Variants in ST6GALNAC3 observed in about 807,000 individuals in gnomAD.
ST6GALNAC3 encodes alpha-N-acetylgalactosaminide alpha-2,6-sialyltransferase 3.
ST6GALNAC3 carries 25 observed loss-of-function variants against 32.7 expected under a neutral mutation model. The ratio of observed to expected loss-of-function variants is 0.76; its 90% CI spans 0.56 to 1.07. ST6GALNAC3 has a LOEUF of 1.07. Ranked by LOEUF, ST6GALNAC3 falls within the 50% of genes least tolerant of loss-of-function variation. The probability of loss-of-function intolerance (pLI) is 0.00; values close to 1 mark genes in which losing one functional copy is unlikely to be tolerated. For synonymous variants in ST6GALNAC3, 129 were observed against 133.1 expected (o/e 0.97, Z 0.21); for missense variants, 355 against 382.4 (o/e 0.93, Z 0.60).
In ST6GALNAC3 at chr1:76,333,035, T is replaced by C. The variant is rs189247440; in HGVS notation, c.213+19036T>C. Reference sequence around the variant, plus strand: ...GGCCCCTGAAAGGCTGGACCCTCTTTGCATCTCAAGTCTTCTTCTTCCATT... The same window carrying C: ...GGCCCCTGAAAGGCTGGACCCTCTTCGCATCTCAAGTCTTCTTCTTCCATT... On this transcript the variant is annotated intron_variant, in intron 2 of 4. Transcript: ENST00000328299. Among the ~76,000 whole-genome samples, 46 of 152,294 alleles carry C rather than the reference T, an allele frequency of 3.0e-4. 1 individual carries two copies. Among genetic ancestry groups the C allele is most frequent in the African/African-American group, 1.0e-3 (43 of 41,566 alleles).
intron 3 of ST6GALNAC3, among the ~76,000 whole-genome samples, chr1:76,433,480 G>A (rs1571214256): frequency 6.6e-6 from 1 of 152,054 alleles, no homozygotes; most frequent in East Asian, 1.9e-4. Flanking sequence ...TTGTTTCATG[G>A]TGCATATGTA....
chr1:76,540,831 T>C (rs904124088), intron 3 of ST6GALNAC3, among the ~76,000 whole-genome samples: 2 of 152,218 alleles, frequency 1.3e-5, no homozygotes, highest in Non-Finnish European at 2.9e-5. Context: ...CAGAAACTGC[T>C]TTAGGCACTT....
chr1:76,271,589 A>G (rs1245877418), intron 1 of ST6GALNAC3, among the ~76,000 whole-genome samples: 1 of 152,224 alleles, frequency 6.6e-6, no homozygotes, highest in African/African-American at 2.4e-5. Flanking sequence ...TTCTATCTGG[A>G]AAGTCTAGCA....
intron 3 of ST6GALNAC3, among the ~76,000 whole-genome samples, chr1:76,618,954 C>A (rs908485170): frequency 6.6e-6 from 1 of 152,020 alleles, no homozygotes; most frequent in South Asian, 2.1e-4. Flanking sequence ...AGAAAGGTTG[C>A]GAGAAAATCT....
chr1:76,451,017 G>T (rs1657357966), intron 3 of ST6GALNAC3, among the ~76,000 whole-genome samples: 1 of 152,100 alleles, frequency 6.6e-6, no homozygotes, highest in African/African-American at 2.4e-5. Flanking sequence ...GCTTAGTCTT[G>T]CTTTGGCTAT....
At chr1:76,416,218 CA>C in intron 3 of ST6GALNAC3, among the ~76,000 whole-genome samples, 1 of 152,092 alleles carries the variant, frequency 6.6e-6, no homozygotes, top group South Asian at 2.1e-4. Flanking sequence ...TAATAGTCTC[CA>C]AAAAAGAACA....
At chr1:76,112,481 C>T (rs1221564429) in intron 1 of ST6GALNAC3, among the ~76,000 whole-genome samples, 1 of 151,016 alleles carries the variant, frequency 6.6e-6, no homozygotes, top group African/African-American at 2.4e-5. Context: ...AACCTCCCCA[C>T]CTCCCTTCCA....
intron 3 of ST6GALNAC3, among the ~76,000 whole-genome samples, chr1:76,517,832 G>A (rs1457208274): frequency 6.6e-6 from 1 of 151,902 alleles, no homozygotes. Flanking sequence ...TATGCAATTG[G>A]AGAGTTTTCT....
At chr1:76,197,812 T>C (rs142336343) in intron 1 of ST6GALNAC3, among the ~76,000 whole-genome samples, 121 of 152,256 alleles carry the variant, frequency 7.9e-4, no homozygotes, top group African/African-American at 2.8e-3. Flanking sequence ...TAATTCTTTG[T>C]TGATGTGGGG....
intron 3 of ST6GALNAC3, among the ~76,000 whole-genome samples, chr1:76,606,351 A>G (rs927780532): frequency 2.0e-5 from 3 of 152,236 alleles, no homozygotes; most frequent in Admixed American, 6.5e-5. Context: ...TAAAGAATAT[A>G]TGGTACATAT....
Position 76,634,072 on chromosome 1 carries a change from T to C in ST6GALNAC3, c.*5266T>C, listed in dbSNP as rs1649426640. On this transcript the variant is annotated 3_prime_UTR_variant, in exon 5 of 5. Coordinates refer to ENST00000328299, the MANE Select transcript of ST6GALNAC3 (RefSeq NM_152996.4). ...TTTTTTTCAGTTAACTACTTGTTTG[T>C]TTCTTTTCAGAATAGGCACTTTTTT... The C allele has an allele frequency of 6.5e-6, 5 of 765,682 alleles. No individual in the cohort carries two copies. Among genetic ancestry groups the C allele is most frequent in the Non-Finnish European group, 7.9e-6 (5 of 629,556 alleles). 47.4% of individuals were successfully genotyped at this position (765,682 alleles called of 1,614,324 possible).
intron 1 of ST6GALNAC3, among the ~76,000 whole-genome samples, chr1:76,313,172 T>A (rs776228018): frequency 6.6e-6 from 1 of 152,194 alleles, no homozygotes; most frequent in Non-Finnish European, 1.5e-5. Flanking sequence ...ATACTGTGTC[T>A]ACAAGAATGT....
At chr1:76,124,143 G>A (rs1253854153) in intron 1 of ST6GALNAC3, among the ~76,000 whole-genome samples, 1 of 152,066 alleles carries the variant, frequency 6.6e-6, no homozygotes, top group Non-Finnish European at 1.5e-5. Context: ...GGGGCACGCA[G>A]AATTTAGTGG....
chr1:76,113,222 G>A (rs1239002154), intron 1 of ST6GALNAC3, among the ~76,000 whole-genome samples: 3 of 151,868 alleles, frequency 2.0e-5, no homozygotes, highest in African/African-American at 7.3e-5. Context: ...GCCTGCAATC[G>A]CAGGCACTCG....
At chr1:76,403,291 T>C (rs1653568906) in intron 2 of ST6GALNAC3, among the ~76,000 whole-genome samples, 1 of 152,096 alleles carries the variant, frequency 6.6e-6, no homozygotes, top group Non-Finnish European at 1.5e-5. Flanking sequence ...CAGTATACTC[T>C]CCATTTGCTC....
At chr1:76,178,279 C>G (rs906796973) in intron 1 of ST6GALNAC3, among the ~76,000 whole-genome samples, 3 of 152,146 alleles carry the variant, frequency 2.0e-5, no homozygotes, top group South Asian at 2.1e-4. Context: ...ATTGAACTTA[C>G]GAGATGGATG....
chr1:76,443,155 G>T (rs1288114826), intron 3 of ST6GALNAC3, among the ~76,000 whole-genome samples: 1 of 152,088 alleles, frequency 6.6e-6, no homozygotes, highest in African/African-American at 2.4e-5. Context: ...TGTTGTTGTT[G>T]TTTTGTTTTG....
At chr1:76,466,413 A>G (rs565762779) in intron 3 of ST6GALNAC3, among the ~76,000 whole-genome samples, 3 of 152,194 alleles carry the variant, frequency 2.0e-5, no homozygotes, top group Admixed American at 6.6e-5. Flanking sequence ...TGAGAGAGCA[A>G]TCCATGGAAA....
intron 3 of ST6GALNAC3, among the ~76,000 whole-genome samples, chr1:76,589,570 C>T (rs554279780): frequency 1.8e-4 from 28 of 151,670 alleles, no homozygotes; most frequent in Non-Finnish European, 3.2e-4. Flanking sequence ...TAAAATGGGC[C>T]GTTAAAATAA....
Sources: allele counts gnomAD v4.1 joint callset (sites outside exome capture counted in the v4.1 genomes callset), GRCh38; gene constraint gnomAD v4.1.1; transcripts MANE v1.5; gene names NCBI Gene and HGNC (gene_info 2026-07-23, HGNC 2026-07-21).